The following AP3B1 variants were observed in gnomAD, a reference collection of about 807,000 sequenced individuals.
AP3B1 encodes adaptor related protein complex 3 subunit beta 1.
AP3B1 carries 61 observed loss-of-function variants against 132.5 expected under a neutral mutation model. The observed-to-expected ratio is 0.46, with a 90% CI of 0.37 to 0.57. AP3B1 has a LOEUF of 0.57. Ranked by LOEUF, AP3B1 falls within the 20% of genes least tolerant of loss-of-function variation. The probability of loss-of-function intolerance (pLI) is 0.00; values close to 1 mark genes in which losing one functional copy is unlikely to be tolerated. For missense variants in AP3B1, 1,120 were observed against 1,289.4 expected (o/e 0.87, Z 2.01); for synonymous variants, 388 against 438.3 (o/e 0.89, Z 1.43).
chr5:78,056,214 TG>T (rs1314171668), intron 22 of AP3B1, among the ~76,000 whole-genome samples: 1 of 152,224 alleles, frequency 6.6e-6, no homozygotes, highest in East Asian at 1.9e-4. Context: ...TCAAATGATC[TG>T]GGTTATAGTT....
intron 7 of AP3B1, among the ~76,000 whole-genome samples, chr5:78,186,669 TTAATTGAATAAAAC>T (rs1425164549): frequency 1.3e-5 from 2 of 152,158 alleles, no homozygotes; most frequent in East Asian, 3.8e-4. Flanking sequence ...TAAAAACCAT[TTAATTGAATAAAAC>T]TAAGGAGATA....
chr5:78,275,483 AT>A (rs935681124), intron 1 of AP3B1, among the ~76,000 whole-genome samples: 70 of 148,072 alleles, frequency 4.7e-4, no homozygotes, highest in Non-Finnish European at 6.0e-4. Context: ...ATGATAGGCA[AT>A]TTTTTTTTTT....
chr5:78,039,033 T>G lies in AP3B1; in HGVS notation c.2809+10A>C. 6.8e-7 allele frequency: 1 copy of G among 1,473,722 alleles called. No homozygotes were observed. Among genetic ancestry groups the G allele is most frequent in the Non-Finnish European group, 9.5e-7 (1 of 1,055,494 alleles). The allele number at this position is 1,473,722 out of a possible 1,614,324, so 91.3% of individuals were successfully genotyped here. A position where few individuals can be genotyped will look rare whatever the true frequency, so the allele number is the denominator to read the frequency against. ...TATAGTTAAGGTTTTAAATGAGAAT[T>G]AATATTTACCTATTGGATTAAAAAC... On this transcript the variant is annotated intron_variant, in intron 23 of 26. Coordinates refer to ENST00000255194, the MANE Select transcript of AP3B1 (RefSeq NM_003664.5).
intron 19 of AP3B1, among the ~76,000 whole-genome samples, chr5:78,113,283 C>A (rs927270432): frequency 1.3e-4 from 20 of 152,176 alleles, no homozygotes; most frequent in African/African-American, 4.8e-4. Context: ...AATGGGAGAT[C>A]TTAAAAAGTG....
chr5:78,140,591 T>C (rs537551840), intron 15 of AP3B1, among the ~76,000 whole-genome samples: 2 of 152,302 alleles, frequency 1.3e-5, no homozygotes, highest in Admixed American at 6.5e-5. Flanking sequence ...AGTTCATTTA[T>C]AAAGGCTCCA....
chr5:78,214,638 A>G (rs1378062772), intron 7 of AP3B1, among the ~76,000 whole-genome samples: 1 of 152,178 alleles, frequency 6.6e-6, no homozygotes. Context: ...TTTGAAAGGA[A>G]TTGGCTGAAA....
chr5:78,153,133 G>A (rs1356282586), intron 14 of AP3B1, among the ~76,000 whole-genome samples: 1 of 152,154 alleles, frequency 6.6e-6, no homozygotes, highest in Non-Finnish European at 1.5e-5. Context: ...TGAAAGTGGA[G>A]TGTTGAAATC....
At chr5:78,065,692 G>A (rs976625814) in intron 22 of AP3B1, among the ~76,000 whole-genome samples, 1 of 152,180 alleles carries the variant, frequency 6.6e-6, no homozygotes, top group African/African-American at 2.4e-5. Flanking sequence ...CTGGGGAAGG[G>A]CAGCCATGGT....
intron 21 of AP3B1, among the ~76,000 whole-genome samples, chr5:78,094,762 C>A (rs1290073475): frequency 6.6e-6 from 1 of 151,984 alleles, no homozygotes; most frequent in East Asian, 1.9e-4. Context: ...CTCACTGGAA[C>A]CTCCGCCTCC....
At chr5:78,271,238 A>G (rs369896766) in intron 1 of AP3B1, among the ~76,000 whole-genome samples, 15 of 152,116 alleles carry the variant, frequency 9.9e-5, no homozygotes, top group African/African-American at 2.9e-4. Context: ...CCTGACCAAC[A>G]CGAAGAAACC....
intron 17 of AP3B1, among the ~76,000 whole-genome samples, chr5:78,117,957 C>T (rs1235521262): frequency 6.6e-6 from 1 of 152,128 alleles, no homozygotes; most frequent in African/African-American, 2.4e-5. Flanking sequence ...ATGTGCAAGT[C>T]TTTGCTAGAG....
chr5:78,226,936 C>T (rs1018970923), intron 5 of AP3B1, among the ~76,000 whole-genome samples: 33 of 151,610 alleles, frequency 2.2e-4, no homozygotes, highest in African/African-American at 7.8e-4. Flanking sequence ...AATTAGACAA[C>T]GAAGGGAGCA....
downstream of AP3B1, chr5:78,001,104 A>T (rs1369775841): frequency 6.6e-6 from 1 of 152,208 alleles, no homozygotes; most frequent in Non-Finnish European, 1.5e-5. Context: ...AAAAAATACA[A>T]ATGTGTGAAC....
intron 7 of AP3B1, among the ~76,000 whole-genome samples, chr5:78,181,883 C>T (rs953091367): frequency 2.0e-5 from 3 of 152,112 alleles, no homozygotes; most frequent in African/African-American, 7.2e-5. Context: ...TGATGTGCTT[C>T]TATTGTATTA....
rs1205995435 is a variant in AP3B1 at position 78,097,634 on chromosome 5, C to A, written c.2470+3319G>T. On this transcript the variant is annotated intron_variant, in intron 21 of 26. Transcript: ENST00000255194. The stretch of plus-strand genomic sequence containing the variant: ...GGGGTCAGCCCCCTGCCCGGCCAGC[C>A]GCCCCGTCCGGGAGGGAGGTGGGGG... 1.0e-4 allele frequency among the ~76,000 whole-genome samples: 14 copies of A among 139,996 alleles called. 1 individual carries two copies. Among genetic ancestry groups the A allele is most frequent in the Admixed American group, 5.1e-4 (7 of 13,652 alleles). The allele number at this position is 139,996 out of a possible 152,430, so 91.8% of individuals were successfully genotyped here. A position where few individuals can be genotyped will look rare whatever the true frequency, so the allele number is the denominator to read the frequency against.
At chr5:78,120,800 C>A (rs1342191658) in intron 17 of AP3B1, among the ~76,000 whole-genome samples, 1 of 152,148 alleles carries the variant, frequency 6.6e-6, no homozygotes, top group African/African-American at 2.4e-5. Context: ...AGAAATTTAA[C>A]AAGGATACCC....
At chr5:78,211,450 C>A (rs146194183) in intron 7 of AP3B1, among the ~76,000 whole-genome samples, 1 of 152,298 alleles carries the variant, frequency 6.6e-6, no homozygotes, top group Non-Finnish European at 1.5e-5. Context: ...AATTAAAAAT[C>A]TCTTCTGCCC....
intron 3 of AP3B1, among the ~76,000 whole-genome samples, chr5:78,235,631 T>C (rs1746844523): frequency 6.6e-6 from 1 of 152,188 alleles, no homozygotes; most frequent in African/African-American, 2.4e-5. Context: ...TGACCAGAAA[T>C]GGGAGTAGTT....
chr5:78,015,419 T>A lies in AP3B1; in HGVS notation c.3122A>T (p.Asn1041Ile). 3 of 1,613,810 alleles carry A rather than the reference T, an allele frequency of 1.9e-6. No individual in the cohort carries two copies. The highest frequency in any genetic ancestry group is 2.5e-6 in the Non-Finnish European group (3 of 1,179,802). Residue 1041 changes from asparagine to isoleucine, a missense_variant, in exon 26 of 27, where the codon AAT becomes ATT. Physicochemically the swap from Asn to Ile is moderately radical, Grantham distance 149. Coordinates refer to ENST00000255194, the MANE Select transcript of AP3B1 (RefSeq NM_003664.5). ...GTGTTAGTGAACCTACCTGTGTATA[T>A]TATCCTGGCCAGAAGGGACTGCACC... The part of the protein sequence containing the change: ...NVGAVPSGQD[N>I]IHRFAAKTVH...
Sources: allele counts gnomAD v4.1 joint callset (sites outside exome capture counted in the v4.1 genomes callset), GRCh38; gene constraint gnomAD v4.1.1; transcripts MANE v1.5; gene names NCBI Gene and HGNC (gene_info 2026-07-23, HGNC 2026-07-21).